PCDHA1: variants seen among roughly 807,000 people sequenced by gnomAD.
The protein encoded by PCDHA1 is protocadherin alpha-1.
Under a neutral mutation model 61.3 loss-of-function variants are expected in PCDHA1, and 42 were observed. That is an observed-to-expected ratio of 0.69 (90% CI 0.54 to 0.89). The LOEUF (loss-of-function observed/expected upper bound fraction) is 0.89, where lower values mean the gene tolerates loss of function less well. Ranked by LOEUF, PCDHA1 falls within the 40% of genes least tolerant of loss-of-function variation. PCDHA1 has a pLI of 0.00. For synonymous variants in PCDHA1, 610 were observed against 553.8 expected (o/e 1.10, Z -1.43); for missense variants, 1,256 against 1,235.3 (o/e 1.02, Z -0.25).
intron 1 of PCDHA1, chr5:140,805,617 G>A: frequency 1.1e-6 from 1 of 920,386 alleles, no homozygotes; most frequent in Non-Finnish European, 1.3e-6. Flanking sequence ...CTTTATGTAA[G>A]AAAATGTATT....
rs1554253792 is a variant in PCDHA1 at position 140,993,501 on chromosome 5, C to CACAT, written c.2542+10941_2542+10942insTACA. ...ACACACACACACACACACACACACA[C>CACAT]ACACACACGGGGAGAGAGAGACAGA... is the stretch of plus-strand genomic sequence containing the variant. On this transcript the variant is annotated intron_variant, in intron 3 of 3. Transcript: ENST00000504120. Among the ~76,000 whole-genome samples, 4 of 149,100 alleles carry CACAT rather than the reference C, an allele frequency of 2.7e-5. No individual in the cohort carries two copies. In the East Asian group the frequency reaches 5.8e-4, roughly 22 times the overall value.
At chr5:140,967,591 G>A (rs1554229706) in intron 1 of PCDHA1, 1 of 1,614,154 alleles carries the variant, frequency 6.2e-7, no homozygotes, top group East Asian at 2.2e-5. Flanking sequence ...CAGGCACATT[G>A]GTGGTGAAGC....
rs566700844 is a variant in PCDHA1, at chr5:140,926,191, C to T, written c.2395-52758C>T. On this transcript the variant is annotated intron_variant, in intron 1 of 3. Coordinates refer to ENST00000504120, the MANE Select transcript of PCDHA1 (RefSeq NM_018900.4). Reference sequence around the variant, plus strand: ...CCAGCGCGGAAAGCCCCCCGCAGCACTTCTTTCGGGGGGCTCCTGTTTCCT... The same window carrying T: ...CCAGCGCGGAAAGCCCCCCGCAGCATTTCTTTCGGGGGGCTCCTGTTTCCT... Among the ~76,000 whole-genome samples the T allele has an allele frequency of 8.1e-3, 1,227 of 151,838 alleles. 6 individuals carry two copies. Among genetic ancestry groups the T allele is most frequent in the African/African-American group, 0.019 (793 of 41,542 alleles).
chr5:140,949,111 T>C (rs1316111436), intron 1 of PCDHA1, among the ~76,000 whole-genome samples: 1 of 151,772 alleles, frequency 6.6e-6, no homozygotes, highest in African/African-American at 2.4e-5. Context: ...AGTTTACAAA[T>C]ATTTTTGGTT....
At chr5:140,838,648 A>G (rs1026164992) in intron 1 of PCDHA1, among the ~76,000 whole-genome samples, 1 of 152,158 alleles carries the variant, frequency 6.6e-6, no homozygotes, top group East Asian at 1.9e-4. Context: ...CAAAAAAATG[A>G]TAGTTAACGG....
intron 1 of PCDHA1, chr5:140,929,266 C>T (rs1333907609): frequency 6.2e-7 from 1 of 1,611,352 alleles, no homozygotes; most frequent in Middle Eastern, 1.7e-4. Flanking sequence ...ACTGAATTTG[C>T]CAATATCCTG....
chr5:140,873,546 A>C (rs2054343070), intron 1 of PCDHA1, among the ~76,000 whole-genome samples: 2 of 151,836 alleles, frequency 1.3e-5, no homozygotes, highest in Admixed American at 1.3e-4. Context: ...TAAAATTATA[A>C]TTTCAATTTA....
intron 1 of PCDHA1, among the ~76,000 whole-genome samples, chr5:140,913,986 G>A (rs1326699020): frequency 1.3e-5 from 2 of 152,048 alleles, no homozygotes; most frequent in African/African-American, 4.8e-5. Context: ...GACTTGTATT[G>A]TGACTAGCAT....
chr5:140,809,648 G>T, intron 1 of PCDHA1: 1 of 1,499,082 alleles, frequency 6.7e-7, no homozygotes, highest in Non-Finnish European at 8.9e-7. Flanking sequence ...TTATTTCTAA[G>T]AGTCAAATTT....
chr5:140,829,791 C>G, intron 1 of PCDHA1: 1 of 1,613,788 alleles, frequency 6.2e-7, no homozygotes, highest in Non-Finnish European at 8.5e-7. Context: ...GCGCTGCTGG[C>G]GCCTCGGGTG....
intron 1 of PCDHA1, among the ~76,000 whole-genome samples, chr5:140,946,079 G>A (rs2093884371): frequency 6.6e-6 from 1 of 151,926 alleles, no homozygotes; most frequent in African/African-American, 2.4e-5. Context: ...GCAAACCACA[G>A]ATCTGATAAG....
intron 3 of PCDHA1, among the ~76,000 whole-genome samples, chr5:140,984,074 A>T (rs1554245949): frequency 6.6e-6 from 1 of 152,268 alleles, no homozygotes; most frequent in African/African-American, 2.4e-5. Context: ...AGTGCCAACG[A>T]TGGAGTGAAG....
chr5:141,009,233 T>C (rs2098403082), intron 3 of PCDHA1, among the ~76,000 whole-genome samples: 1 of 152,184 alleles, frequency 6.6e-6, no homozygotes, highest in Non-Finnish European at 1.5e-5. Context: ...GGTGGGAGGA[T>C]CTCTTGAGCT....
intron 1 of PCDHA1, chr5:140,823,294 G>A (rs2150124401): frequency 2.5e-6 from 4 of 1,612,490 alleles, no homozygotes; most frequent in South Asian, 2.2e-5. Flanking sequence ...GTCGAGTTAC[G>A]TTTCGGTGCA....
intron 1 of PCDHA1, among the ~76,000 whole-genome samples, chr5:140,890,477 C>G (rs1255992157): frequency 6.6e-6 from 1 of 151,926 alleles, no homozygotes; most frequent in African/African-American, 2.4e-5. Context: ...ATTTTTTGTG[C>G]GTTATTTTTG....
intron 1 of PCDHA1, chr5:140,854,181 AGTTT>A (rs1554147112): frequency 9.2e-6 from 4 of 434,258 alleles, no homozygotes; most frequent in Non-Finnish European, 1.2e-5. Flanking sequence ...AAAAAAGAGT[AGTTT>A]AACTACTCCC....
At chr5:140,939,104 T>G (rs2092317491) in intron 1 of PCDHA1, among the ~76,000 whole-genome samples, 1 of 152,160 alleles carries the variant, frequency 6.6e-6, no homozygotes, top group South Asian at 2.1e-4. Context: ...CAATAGAAAT[T>G]TATTTTTCAC....
chr5:140,953,961 G>C lies in PCDHA1; in HGVS notation c.2395-24988G>C, dbSNP rs140078691. ...CCCATTGCTCCCCCAACAGGCCCCA[G>C]TGTGTGTTGTTCCCCTTCATATTTT... On this transcript the variant is annotated intron_variant, in intron 1 of 3. Coordinates refer to ENST00000504120, the MANE Select transcript of PCDHA1 (RefSeq NM_018900.4). 1.0e-3 allele frequency among the ~76,000 whole-genome samples: 152 copies of C among 152,128 alleles called. 3 individuals are homozygous for C. In the East Asian group the frequency reaches 0.026, roughly 26 times the overall value.
intron 1 of PCDHA1, among the ~76,000 whole-genome samples, chr5:140,941,235 C>CT: frequency 7.4e-6 from 1 of 135,248 alleles, no homozygotes; most frequent in Non-Finnish European, 1.6e-5. Context: ...TTCTTTCTTT[C>CT]TTTCTTTCTT....
Sources: gnomAD v4.1 joint callset for allele counts (sites outside exome capture counted in the v4.1 genomes callset) on GRCh38, gnomAD v4.1.1 for gene constraint, MANE v1.5 for transcripts, NCBI Gene and HGNC (gene_info 2026-07-23, HGNC 2026-07-21) for gene names.